The following ARHGAP35 variants were observed in gnomAD, a reference collection of about 807,000 sequenced individuals.
ARHGAP35 encodes rho GTPase-activating protein 35.
A neutral mutation model predicts 111.1 loss-of-function variants in ARHGAP35; 15 were observed. The observed-to-expected ratio is 0.13, with a 90% CI of 0.09 to 0.21. ARHGAP35 has a LOEUF of 0.21. ARHGAP35 is among the 10% of genes least tolerant of loss of function. The pLI, the probability that ARHGAP35 is intolerant of heterozygous loss-of-function variation, is 1.00. For synonymous variants in ARHGAP35, 643 were observed against 710.3 expected (o/e 0.91, Z 1.51); for missense variants, 1,262 against 1,873.0 (o/e 0.67, Z 6.02).
chr19:46,861,321 C>A lies in ARHGAP35; in HGVS notation c.-189+112C>A, dbSNP rs1477749914. On this transcript the variant is annotated intron_variant, in intron 1 of 6. Transcript: ENST00000672722. ...CCGGAGCCCGCGAACAATGGAGGAG[C>A]TGGAGGGGGAGGGGAGGAGCGGCCC... is the stretch of plus-strand genomic sequence containing the variant. Among the ~76,000 whole-genome samples the A allele has an allele frequency of 3.3e-5, 5 of 149,866 alleles. No individual in the cohort carries two copies. The East Asian group carries it at 1.0e-3, about 30-fold the overall frequency.
Position 46,993,001 on chromosome 19 carries a change from C to T in ARHGAP35, c.4036+3326C>T, listed in dbSNP as rs1401928504. ...GCTGCCCGAGGGCACGGGGGTGCTT[C>T]TCACACCCACGTACGGGGTCATTAA... is the stretch of plus-strand genomic sequence containing the variant. On this transcript the variant is annotated intron_variant, in intron 5 of 6. Coordinates refer to ENST00000672722, the MANE Select transcript of ARHGAP35 (RefSeq NM_004491.5). This position sits in a 1 kb window ranked among gnomAD's most constrained non-coding sequence, Gnocchi z 4.6. Among the ~76,000 whole-genome samples the T allele has an allele frequency of 6.6e-6, 1 of 152,222 alleles. No homozygotes were observed. The highest frequency in any genetic ancestry group is 1.5e-5 in the Non-Finnish European group (1 of 68,042).
intron 3 of ARHGAP35, among the ~76,000 whole-genome samples, chr19:46,977,857 G>C (rs2056587704): frequency 6.6e-6 from 1 of 152,220 alleles, no homozygotes; most frequent in Admixed American, 6.5e-5. Context: ...CACAGAGCTG[G>C]TGTGAGGACT....
Position 46,935,581 on chromosome 19 carries a change from T to A in ARHGAP35, c.3682-1683T>A, listed in dbSNP as rs184346500. Among the ~76,000 whole-genome samples the A allele has an allele frequency of 9.8e-5, 15 of 152,328 alleles. 1 individual carries two copies. Among genetic ancestry groups the A allele is most frequent in the African/African-American group, 3.6e-4 (15 of 41,562 alleles). On this transcript the variant is annotated intron_variant, in intron 2 of 6. Coordinates refer to ENST00000672722, the MANE Select transcript of ARHGAP35 (RefSeq NM_004491.5). ...AGGTGGCCTGCGGCCTGGCGGTTCGTTGTTTCCTTCAGTGGATTTTATGTA... is the reference window on the plus strand; with the variant it reads ...AGGTGGCCTGCGGCCTGGCGGTTCGATGTTTCCTTCAGTGGATTTTATGTA...
chr19:46,989,710 G>T lies in ARHGAP35; in HGVS notation c.4036+35G>T. The stretch of plus-strand genomic sequence containing the variant: ...GGCAGCCCAGTGTTGGGCGGATTGA[G>T]GGAGAAAGGGCTTGGCACTGGAAGA... On this transcript the variant is annotated intron_variant, in intron 5 of 6. Coordinates refer to ENST00000672722, the MANE Select transcript of ARHGAP35 (RefSeq NM_004491.5). This position sits in a 1 kb window ranked among gnomAD's most constrained non-coding sequence, Gnocchi z 5.3. The T allele has an allele frequency of 6.2e-7, 1 of 1,612,390 alleles. No homozygotes were observed. The highest frequency in any genetic ancestry group is 1.1e-5 in the South Asian group (1 of 90,976).
rs1022271696 is a variant in ARHGAP35, at chr19:46,976,948, CCT to C, written c.3827-11040_3827-11039del. Among the ~76,000 whole-genome samples the C allele has an allele frequency of 2.0e-3, 305 of 152,338 alleles. 1 individual carries two copies. The highest frequency in any genetic ancestry group is 7.1e-3 in the African/African-American group (296 of 41,582). ...AGCAAATCCCCATGCCTCTATAACCCCTGTCAGTTTCCTTGACCTCTGCTTTT... is the reference window on the plus strand; with the variant it reads ...AGCAAATCCCCATGCCTCTATAACCCGTCAGTTTCCTTGACCTCTGCTTTT... On this transcript the variant is annotated intron_variant, in intron 3 of 6. Transcript: ENST00000672722.
chr19:46,964,458 A>G (rs1269780318), intron 3 of ARHGAP35, among the ~76,000 whole-genome samples: 1 of 151,918 alleles, frequency 6.6e-6, no homozygotes, highest in Non-Finnish European at 1.5e-5. Context: ...GGGTCTCACC[A>G]TGTTGCCCAA....
intron 3 of ARHGAP35, among the ~76,000 whole-genome samples, chr19:46,957,716 A>G (rs1483046388): frequency 6.6e-6 from 1 of 152,256 alleles, no homozygotes; most frequent in African/African-American, 2.4e-5. Context: ...CTATTTTGGT[A>G]CAGTGGCAAG....
chr19:46,991,996 A>G (rs2056681771), intron 5 of ARHGAP35, among the ~76,000 whole-genome samples: 1 of 152,232 alleles, frequency 6.6e-6, no homozygotes, highest in South Asian at 2.1e-4. Context: ...GAATTTCACA[A>G]TATTGAACAC....
In ARHGAP35 at chr19:46,989,346, A is replaced by C. The variant is rs1387859203; in HGVS notation, c.3905-198A>C. 1 of 595,686 alleles carries C rather than the reference A, an allele frequency of 1.7e-6. No individual in the cohort carries two copies. The highest frequency in any genetic ancestry group is 2.9e-6 in the Non-Finnish European group (1 of 350,288). The allele number at this position is 595,686 out of a possible 1,614,324, so 36.9% of individuals were successfully genotyped here. A position where few individuals can be genotyped will look rare whatever the true frequency, so the allele number is the denominator to read the frequency against. ...AAGGGGCAGTTCAGCAGTCTCGGAA[A>C]GAGGTGCTGGGGCCAGCCCATGCCT... On this transcript the variant is annotated intron_variant, in intron 4 of 6. Transcript: ENST00000672722. This position sits in a 1 kb window ranked among gnomAD's most constrained non-coding sequence, Gnocchi z 5.3.
chr19:46,878,374 G>A (rs1162510444), intron 1 of ARHGAP35, among the ~76,000 whole-genome samples: 1 of 152,100 alleles, frequency 6.6e-6, no homozygotes, highest in East Asian at 1.9e-4. Context: ...AGGCTGGGGT[G>A]CGGTGGTGCA....
At chr19:46,954,326 T>C (rs1159767909) in intron 3 of ARHGAP35, among the ~76,000 whole-genome samples, 1 of 152,244 alleles carries the variant, frequency 6.6e-6, no homozygotes, top group East Asian at 1.9e-4. Flanking sequence ...CCTTCTTTCC[T>C]GATTCATGTG....
intron 3 of ARHGAP35, among the ~76,000 whole-genome samples, chr19:46,950,888 C>G (rs1284033121): frequency 6.6e-6 from 1 of 152,190 alleles, no homozygotes; most frequent in Non-Finnish European, 1.5e-5. Context: ...ACAAGAACAC[C>G]TAGCAGTGAG....
At chr19:46,893,238 T>C (rs1009325634) in intron 1 of ARHGAP35, among the ~76,000 whole-genome samples, 1 of 151,722 alleles carries the variant, frequency 6.6e-6, no homozygotes, top group Non-Finnish European at 1.5e-5. Flanking sequence ...GAAGCAGGAG[T>C]GTGGGGAACA....
At chr19:46,939,372 CATTTATTT>C (rs60855006) in intron 3 of ARHGAP35, among the ~76,000 whole-genome samples, 78,081 of 145,172 alleles carry the variant, frequency 0.54, 21,460 homozygotes, top group Middle Eastern at 0.65. Flanking sequence ...TGCACCTTTA[CATTTATTT>C]ATTTATTTAT....
In ARHGAP35 at chr19:46,989,638, C is replaced by T. The variant is rs368624562; in HGVS notation, c.3999C>T (p.Val1333=). 3 of 1,613,940 alleles carry T rather than the reference C, an allele frequency of 1.9e-6. No homozygotes were observed. The highest frequency in any genetic ancestry group is 2.5e-6 in the Non-Finnish European group (3 of 1,179,878). Residue 1333 remains valine (V), a synonymous_variant, in exon 5 of 7, where the codon GTC becomes GTT. Transcript: ENST00000672722. The surrounding 1 kb of genome is among the most constrained non-coding windows in gnomAD (Gnocchi z 5.3). ...SFFSELPDPL[V]PYNMQIDLVE... Reference sequence around the variant, plus strand: ...TCTCAGAACTGCCTGACCCCCTGGTCCCGTATAACATGCAGATCGACTTGG... The same window carrying T: ...TCTCAGAACTGCCTGACCCCCTGGTTCCGTATAACATGCAGATCGACTTGG...
chr19:46,920,150 T>G lies in ARHGAP35; in HGVS notation c.1475T>G (p.Phe492Cys). 2 of 1,613,918 alleles carry G rather than the reference T, an allele frequency of 1.2e-6. No homozygotes were observed. Among genetic ancestry groups the G allele is most frequent in the Middle Eastern group, 1.6e-4 (1 of 6,062 alleles). Residue 492 changes from phenylalanine (F) to cysteine (C), a missense_variant, in exon 2 of 7, where the codon TTT becomes TGT. By Grantham distance (205) the Phe-to-Cys change is radical (BLOSUM62 -2). This residue lies in a region of ARHGAP35 where 328 missense variants were observed against 440.8 expected (regional missense o/e 0.74). Coordinates refer to ENST00000672722, the MANE Select transcript of ARHGAP35 (RefSeq NM_004491.5). The surrounding 1 kb of genome is among the most constrained non-coding windows in gnomAD (Gnocchi z 7.0). The part of the protein sequence containing the change: ...KQIIDKAKEE[F>C]QELLLEYSEL... ...ATTATAGATAAAGCAAAGGAAGAATTTCAGGAGTTGCTTTTGGAATATTCA... is the reference window on the plus strand; with the variant it reads ...ATTATAGATAAAGCAAAGGAAGAATGTCAGGAGTTGCTTTTGGAATATTCA...
intron 1 of ARHGAP35, among the ~76,000 whole-genome samples, chr19:46,869,435 T>G (rs2055875764): frequency 6.6e-6 from 1 of 151,880 alleles, no homozygotes; most frequent in Admixed American, 6.6e-5. Context: ...ACTGCAGTCC[T>G]GCCTGGGTGA....
In ARHGAP35 at chr19:46,918,927, G is replaced by A; in HGVS notation, c.252G>A (p.Glu84=). The change falls in exon 2 of 7, where the codon GAG becomes GAA. Residue 84 remains glutamate (E), a synonymous_variant. Transcript: ENST00000672722. The surrounding 1 kb of genome is among the most constrained non-coding windows in gnomAD (Gnocchi z 5.4). ...GGGGAGAAGTTAGCCGCTCCCTGGAGGATTGTGTGGAATGTAAGATGCACA... is the reference window on the plus strand; with the variant it reads ...GGGGAGAAGTTAGCCGCTCCCTGGAAGATTGTGTGGAATGTAAGATGCACA... ...LYWGEVSRSL[E]DCVECKMHIV... The A allele has an allele frequency of 6.2e-7, 1 of 1,613,974 alleles. No homozygotes were observed. Among genetic ancestry groups the A allele is most frequent in the Non-Finnish European group, 8.5e-7 (1 of 1,179,890 alleles).
intron 1 of ARHGAP35, among the ~76,000 whole-genome samples, chr19:46,912,621 G>A (rs1224777819): frequency 3.3e-5 from 5 of 152,106 alleles, no homozygotes; most frequent in Non-Finnish European, 1.5e-5. Context: ...CTCCCAAAGT[G>A]TTGCGATTAC....
Sources: gnomAD v4.1 joint callset for allele counts (sites outside exome capture counted in the v4.1 genomes callset) on GRCh38, gnomAD v4.1.1 for gene constraint, gnomAD v4.1.1 regional missense constraint, Gnocchi (gnomAD v3.1) non-coding constraint, MANE v1.5 for transcripts, NCBI Gene and HGNC (gene_info 2026-07-23, HGNC 2026-07-21) for gene names.